TMEM117: variants seen among roughly 807,000 people sequenced by gnomAD.
TMEM117 encodes the protein transmembrane protein 117.
A neutral mutation model predicts 52.4 loss-of-function variants in TMEM117; 27 were observed. That is an observed-to-expected ratio of 0.51 (90% CI 0.38 to 0.71). TMEM117 has a LOEUF of 0.71. Ranked by LOEUF, TMEM117 falls within the 30% of genes least tolerant of loss-of-function variation. The pLI, the probability that TMEM117 is intolerant of heterozygous loss-of-function variation, is 0.00. For missense variants in TMEM117, 556 were observed against 630.5 expected, an observed-to-expected ratio of 0.88 and a Z score of 1.26; for synonymous variants, 215 against 206.3, an observed-to-expected ratio of 1.04 and a Z score of -0.36.
the TMEM117 span, among the ~76,000 whole-genome samples, chr12:43,808,870 T>C: frequency 6.6e-6 from 1 of 150,494 alleles, no homozygotes; most frequent in Non-Finnish European, 1.5e-5. Context: ...TCTGACTGAC[T>C]GATGCTCTGT....
At chr12:43,915,377 G>T (rs1278360020) in intron 2 of TMEM117, among the ~76,000 whole-genome samples, 1 of 152,108 alleles carries the variant, frequency 6.6e-6, no homozygotes, top group Non-Finnish European at 1.5e-5. Flanking sequence ...CTTGAGTCTG[G>T]TTCATCAGTC....
intron 2 of TMEM117, among the ~76,000 whole-genome samples, chr12:43,927,069 T>G (rs1405681256): frequency 1.3e-5 from 2 of 152,062 alleles, no homozygotes; most frequent in African/African-American, 2.4e-5. Context: ...TTTCCTATTT[T>G]CAACTATTTT....
chr12:44,071,571 T>C (rs1037740265), intron 3 of TMEM117, among the ~76,000 whole-genome samples: 4 of 152,224 alleles, frequency 2.6e-5, no homozygotes, highest in South Asian at 4.1e-4. Flanking sequence ...AATTTAGAGC[T>C]ATAATTAAAC....
chr12:43,890,322 G>T (rs1295297006), intron 2 of TMEM117, among the ~76,000 whole-genome samples: 1 of 151,980 alleles, frequency 6.6e-6, no homozygotes, highest in Non-Finnish European at 1.5e-5. Flanking sequence ...ACTTTGGTCT[G>T]GACTGTAAGA....
At chr12:44,114,128 A>G (rs553011513) in intron 3 of TMEM117, among the ~76,000 whole-genome samples, 11 of 150,558 alleles carry the variant, frequency 7.3e-5, no homozygotes, top group African/African-American at 2.7e-4. Flanking sequence ...AGTGAGATGA[A>G]CCCGGTACCT....
chr12:44,088,048 A>T (rs1947601593), intron 3 of TMEM117, among the ~76,000 whole-genome samples: 1 of 152,196 alleles, frequency 6.6e-6, no homozygotes, highest in African/African-American at 2.4e-5. Context: ...GTCAGCTGAT[A>T]GCGTGATGAT....
intron 5 of TMEM117, chr12:44,248,317 G>T (rs1440199473): frequency 6.6e-6 from 1 of 152,380 alleles, no homozygotes. Context: ...CTAATTGACC[G>T]ATCTGTACCC....
chr12:44,018,558 T>C (rs1198072243), intron 3 of TMEM117, among the ~76,000 whole-genome samples: 2 of 152,212 alleles, frequency 1.3e-5, no homozygotes, highest in African/African-American at 4.8e-5. Context: ...CTTTTTGCAC[T>C]GTTTATTCCA....
At chr12:44,081,872 A>G (rs1387658244) in intron 3 of TMEM117, among the ~76,000 whole-genome samples, 1 of 152,066 alleles carries the variant, frequency 6.6e-6, no homozygotes, top group Non-Finnish European at 1.5e-5. Context: ...CATATACAGT[A>G]TTAGGTTTTA....
chr12:44,005,509 C>T (rs1269193244), intron 3 of TMEM117, among the ~76,000 whole-genome samples: 1 of 152,200 alleles, frequency 6.6e-6, no homozygotes, highest in Non-Finnish European at 1.5e-5. Flanking sequence ...TGACTGGGGT[C>T]ATCACTCTAG....
At chr12:44,268,026 T>C (rs1416252747) in intron 5 of TMEM117, among the ~76,000 whole-genome samples, 1 of 152,214 alleles carries the variant, frequency 6.6e-6, no homozygotes, top group African/African-American at 2.4e-5. Flanking sequence ...AGTAGTGGGA[T>C]TCCTTGACCA....
intron 6 of TMEM117, among the ~76,000 whole-genome samples, chr12:44,316,044 A>C (rs1453261620): frequency 6.6e-6 from 1 of 152,144 alleles, no homozygotes; most frequent in Non-Finnish European, 1.5e-5. Context: ...GTGTCTTCTT[A>C]GTGAAGCATT....
At chr12:43,801,958 A>G in the TMEM117 span, among the ~76,000 whole-genome samples, 12 of 152,318 alleles carry the variant, frequency 7.9e-5, no homozygotes, top group African/African-American at 2.9e-4. Context: ...TGAGCCTGGG[A>G]GGCAGAGGTT....
intron 3 of TMEM117, among the ~76,000 whole-genome samples, chr12:44,021,894 G>A (rs915571337): frequency 3.3e-5 from 5 of 152,160 alleles, no homozygotes; most frequent in African/African-American, 1.2e-4. Context: ...TTGCAATAAA[G>A]CATGCTCTGT....
At chr12:43,992,102 G>A (rs887314874) in intron 3 of TMEM117, among the ~76,000 whole-genome samples, 5 of 151,728 alleles carry the variant, frequency 3.3e-5, no homozygotes, top group African/African-American at 1.2e-4. Context: ...GGTGGAGGTT[G>A]CAGTGAGGTA....
the TMEM117 span, chr12:43,806,080 G>A: frequency 3.3e-6 from 5 of 1,518,194 alleles, no homozygotes; most frequent in Non-Finnish European, 4.4e-6. Context: ...AGCGCGGAGA[G>A]GCGCCGAGGC....
At chr12:44,100,487 G>T (rs1433350065) in intron 3 of TMEM117, among the ~76,000 whole-genome samples, 1 of 151,932 alleles carries the variant, frequency 6.6e-6, no homozygotes, top group African/African-American at 2.4e-5. Flanking sequence ...AATATTTAAT[G>T]CCAGGTTCAT....
chr12:44,060,184 T>C (rs980980174), intron 3 of TMEM117, among the ~76,000 whole-genome samples: 3 of 152,204 alleles, frequency 2.0e-5, no homozygotes, highest in Admixed American at 6.5e-5. Flanking sequence ...GGAAGCTTCA[T>C]AGATGTTTGA....
intron 2 of TMEM117, among the ~76,000 whole-genome samples, chr12:43,900,840 G>A (rs1944292662): frequency 6.6e-6 from 1 of 151,702 alleles, no homozygotes; most frequent in Non-Finnish European, 1.5e-5. Context: ...AGAGAGAGAG[G>A]AAGGAAGAAA....
Sources: allele counts gnomAD v4.1 joint callset (sites outside exome capture counted in the v4.1 genomes callset), GRCh38; gene constraint gnomAD v4.1.1; transcripts MANE v1.5; gene names NCBI Gene and HGNC (gene_info 2026-07-23, HGNC 2026-07-21).